The following SDK1 variants were observed in gnomAD, a reference collection of about 807,000 sequenced individuals.
SDK1 encodes sidekick cell adhesion molecule 1, also known as protein sidekick-1.
Under a neutral mutation model 245.5 loss-of-function variants are expected in SDK1, and 157 were observed. That is an observed-to-expected ratio of 0.64 (90% CI 0.56 to 0.73). The LOEUF is 0.73. SDK1 is among the 30% of genes least tolerant of loss of function. SDK1 has a pLI of 0.00. For missense variants in SDK1, 3,583 were observed against 3,002.3 expected (o/e 1.19, Z -4.52); for synonymous variants, 1,647 against 1,278.5 (o/e 1.29, Z -6.15).
chr7:4,081,897 T>C (rs1781083878), intron 22 of SDK1, among the ~76,000 whole-genome samples: 1 of 152,190 alleles, frequency 6.6e-6, no homozygotes, highest in African/African-American at 2.4e-5. Flanking sequence ...CATGTCACTT[T>C]TCCCCCATAC....
At chr7:3,396,502 C>G (rs1365105176) in intron 1 of SDK1, among the ~76,000 whole-genome samples, 3 of 151,760 alleles carry the variant, frequency 2.0e-5, no homozygotes, top group Admixed American at 6.6e-5. Context: ...TATTGTTTCT[C>G]TTTAATTTTG....
intron 1 of SDK1, among the ~76,000 whole-genome samples, chr7:3,449,507 T>A (rs13221852): frequency 1.7e-4 from 26 of 151,992 alleles, no homozygotes; most frequent in African/African-American, 6.3e-4. Flanking sequence ...TGAGAAGATT[T>A]GACTATATGT....
chr7:4,128,322 A>AGT (rs1272593768), intron 26 of SDK1, among the ~76,000 whole-genome samples: 2 of 152,130 alleles, frequency 1.3e-5, no homozygotes, highest in Non-Finnish European at 2.9e-5. Context: ...GGGTGTTCTA[A>AGT]GTGCGCCCTG....
At chr7:3,718,364 A>G (rs988616136) in intron 4 of SDK1, among the ~76,000 whole-genome samples, 3 of 151,696 alleles carry the variant, frequency 2.0e-5, no homozygotes, top group Non-Finnish European at 4.4e-5. Flanking sequence ...TAAATTGGCC[A>G]GCTGTGGTGC....
intron 30 of SDK1, among the ~76,000 whole-genome samples, chr7:4,153,220 T>G (rs1322421398): frequency 1.3e-5 from 2 of 149,540 alleles, no homozygotes; most frequent in Non-Finnish European, 3.0e-5. Context: ...CGGCCCTAGC[T>G]CCTTTTGACT....
chr7:3,884,080 TTTG>T (rs1328385520), intron 5 of SDK1, among the ~76,000 whole-genome samples: 1 of 136,630 alleles, frequency 7.3e-6, no homozygotes, highest in South Asian at 2.4e-4. Context: ...TGTTTGTTTT[TTTG>T]TTTTTTTTTT....
At chr7:4,217,326 GGCCACCCGGAGAACCAC>G (rs1562445858) in intron 38 of SDK1, among the ~76,000 whole-genome samples, 1 of 110,260 alleles carries the variant, frequency 9.1e-6, no homozygotes, top group East Asian at 2.7e-4. Flanking sequence ...CGGAGCACCA[GGCCACCCGGAGAACCAC>G]GCCACCCGGA....
intron 4 of SDK1, among the ~76,000 whole-genome samples, chr7:3,741,502 G>A (rs1002438293): frequency 6.6e-6 from 1 of 152,172 alleles, no homozygotes; most frequent in Non-Finnish European, 1.5e-5. Flanking sequence ...TAAAACTGTT[G>A]TGTATGTATT....
chr7:4,081,423 T>C (rs947710226), intron 22 of SDK1, among the ~76,000 whole-genome samples: 2 of 151,778 alleles, frequency 1.3e-5, no homozygotes, highest in Non-Finnish European at 2.9e-5. Context: ...CCTGTTTCTT[T>C]AATTTTTTTT....
intron 1 of SDK1, among the ~76,000 whole-genome samples, chr7:3,383,756 T>C (rs1781546126): frequency 6.6e-6 from 1 of 152,232 alleles, no homozygotes; most frequent in African/African-American, 2.4e-5. Flanking sequence ...CAAACATCTT[T>C]GATGCATAGA....
intron 1 of SDK1, among the ~76,000 whole-genome samples, chr7:3,491,354 A>G (rs1268748163): frequency 6.6e-6 from 1 of 152,220 alleles, no homozygotes; most frequent in Non-Finnish European, 1.5e-5. Flanking sequence ...TGGGGGTGGA[A>G]CCCAGGCATC....
chr7:4,126,218 A>G (rs1024304508), intron 25 of SDK1, among the ~76,000 whole-genome samples: 12 of 152,378 alleles, frequency 7.9e-5, no homozygotes, highest in Middle Eastern at 6.8e-3. Flanking sequence ...GCTCAGGTCC[A>G]GGTTTTCCTA....
intron 7 of SDK1, among the ~76,000 whole-genome samples, chr7:3,957,233 A>G (rs1583632932): frequency 6.6e-6 from 1 of 152,222 alleles, no homozygotes; most frequent in African/African-American, 2.4e-5. Context: ...ACGTGGACCT[A>G]CACACGTAAT....
At chr7:3,942,335 T>A (rs1780399067) in intron 5 of SDK1, among the ~76,000 whole-genome samples, 1 of 152,276 alleles carries the variant, frequency 6.6e-6, no homozygotes, top group Admixed American at 6.5e-5. Context: ...CAGCAGGTAA[T>A]GACTCTGCAG....
At chr7:4,202,928 CTGG>C (rs1357787322) in intron 35 of SDK1, among the ~76,000 whole-genome samples, 21 of 152,318 alleles carry the variant, frequency 1.4e-4, no homozygotes, top group Admixed American at 3.9e-4. Context: ...CCATGAGCTG[CTGG>C]TGCTCTCCAC....
At chr7:4,013,121 C>G (rs536121593) in intron 16 of SDK1, among the ~76,000 whole-genome samples, 1 of 152,304 alleles carries the variant, frequency 6.6e-6, no homozygotes, top group Admixed American at 6.5e-5. Flanking sequence ...ACACACACTT[C>G]TGCAGGCCAG....
chr7:3,982,412 T>C (rs1783479524), intron 13 of SDK1, among the ~76,000 whole-genome samples: 1 of 152,234 alleles, frequency 6.6e-6, no homozygotes, highest in African/African-American at 2.4e-5. Flanking sequence ...GGTGGACTTT[T>C]GACCATCAAG....
intron 1 of SDK1, among the ~76,000 whole-genome samples, chr7:3,593,957 A>G (rs1490943543): frequency 6.6e-6 from 1 of 152,216 alleles, no homozygotes. Flanking sequence ...TTATTGATAT[A>G]TAATTTACAG....
At chr7:4,219,461 A>G (rs751032687) in intron 38 of SDK1, among the ~76,000 whole-genome samples, 1 of 152,236 alleles carries the variant, frequency 6.6e-6, no homozygotes, top group Admixed American at 6.5e-5. Context: ...CACATCTTAC[A>G]TGGTGGCAGG....
Sources: allele counts gnomAD v4.1 joint callset (sites outside exome capture counted in the v4.1 genomes callset), GRCh38; gene constraint gnomAD v4.1.1; transcripts MANE v1.5; gene names NCBI Gene and HGNC (gene_info 2026-07-23, HGNC 2026-07-21).